Variants in ADGB observed in about 807,000 individuals in gnomAD.
The protein encoded by ADGB is androglobin, also known as calpain-7-like protein.
In ADGB, 172 loss-of-function variants were observed where a neutral mutation model predicts 210.5. The ratio of observed to expected loss-of-function variants is 0.82; its 90% CI spans 0.72 to 0.93. The LOEUF (loss-of-function observed/expected upper bound fraction) is 0.93. Among genes scored for constraint, ADGB ranks in the 40% least tolerant of loss-of-function variants. The probability of loss-of-function intolerance (pLI) is 0.00; values close to 1 mark genes in which losing one functional copy is unlikely to be tolerated. For synonymous variants in ADGB, 658 were observed against 662.7 expected, an observed-to-expected ratio of 0.99 and a Z score of 0.11; for missense variants, 2,025 against 1,964.8, an observed-to-expected ratio of 1.03 and a Z score of -0.58.
At chr6:146,769,246 A>G in intron 29 of ADGB, 115 bp downstream of exon 29, 1 of 543,176 alleles carries the variant, frequency 1.8e-6, no homozygotes, top group Non-Finnish European at 3.3e-6. Flanking sequence ...GTTTTATTAC[A>G]CATTATAATT....
intron 1 of ADGB, among the ~76,000 whole-genome samples, chr6:146,624,326 TG>T (rs1223468823): frequency 1.3e-5 from 2 of 151,892 alleles, no homozygotes; most frequent in Non-Finnish European, 2.9e-5. Flanking sequence ...GCATATTTCA[TG>T]GAATTGATAA....
At chr6:146,697,397 C>G (rs1776420565) in intron 12 of ADGB, among the ~76,000 whole-genome samples, 1 of 152,138 alleles carries the variant, frequency 6.6e-6, no homozygotes, top group Non-Finnish European at 1.5e-5. Flanking sequence ...GTGCAGTTAA[C>G]TGTACTTCAA....
intron 5 of ADGB, among the ~76,000 whole-genome samples, chr6:146,657,701 G>A (rs994379860): frequency 1.3e-5 from 2 of 152,172 alleles, no homozygotes; most frequent in African/African-American, 4.8e-5. Flanking sequence ...TGGGCAGGAG[G>A]CAGTGCTAGC....
intron 10 of ADGB, among the ~76,000 whole-genome samples, chr6:146,689,347 A>G (rs1776271647): frequency 1.3e-5 from 2 of 152,186 alleles, no homozygotes; most frequent in African/African-American, 4.8e-5. Flanking sequence ...GCATTACTTT[A>G]CATGAATCAG....
chr6:146,748,956 T>C (rs1385466420), intron 26 of ADGB, among the ~76,000 whole-genome samples: 1 of 152,158 alleles, frequency 6.6e-6, no homozygotes, highest in East Asian at 1.9e-4. Context: ...TTTAACTTGA[T>C]TCTCTGCAAA....
At position 146,815,415 on chromosome 6, in the gene ADGB, A is replaced by G. The variant is rs1440568343; in HGVS notation, c.*198A>G. The G allele has an allele frequency of 2.8e-6, 1 of 352,384 alleles. No individual in the cohort carries two copies. The highest frequency in any genetic ancestry group is 4.8e-5 in the Admixed American group (1 of 20,896). The allele number at this position is 352,384 out of a possible 1,614,324, so 21.8% of individuals were successfully genotyped here. A position where few individuals can be genotyped will look rare whatever the true frequency, so the allele number is the denominator to read the frequency against. On this transcript the variant is annotated 3_prime_UTR_variant, in exon 36 of 36. Coordinates refer to ENST00000397944, the MANE Select transcript of ADGB (RefSeq NM_024694.4). ...TTTGAGTTTAAGATGCTCTAATTTC[A>G]ATAAAATAGCTTCCAAATATTTAAT...
At chr6:146,810,585 G>GGT (rs1261995370) in intron 35 of ADGB, among the ~76,000 whole-genome samples, 3 of 78,874 alleles carry the variant, frequency 3.8e-5, no homozygotes, top group East Asian at 5.3e-4. Context: ...AAGAAAATGT[G>GGT]GTATATATAT....
chr6:146,608,697 G>C (rs1211211417), intron 1 of ADGB, among the ~76,000 whole-genome samples: 1 of 151,940 alleles, frequency 6.6e-6, no homozygotes, highest in African/African-American at 2.4e-5. Context: ...AGAGATCTTG[G>C]TTTTGAATAC....
chr6:146,671,033 C>G (rs1776000180), intron 7 of ADGB, among the ~76,000 whole-genome samples: 1 of 152,082 alleles, frequency 6.6e-6, no homozygotes, highest in Admixed American at 6.6e-5. Context: ...GGGTGCATCC[C>G]AGAAAAACAT....
intron 35 of ADGB, among the ~76,000 whole-genome samples, chr6:146,811,441 TTA>T (rs3065940): frequency 2.7e-5 from 4 of 150,088 alleles, no homozygotes; most frequent in Middle Eastern, 3.5e-3. Flanking sequence ...CTTTGTGTGT[TTA>T]TATATATATA....
intron 7 of ADGB, among the ~76,000 whole-genome samples, chr6:146,671,119 A>G (rs1430540099): frequency 6.6e-6 from 1 of 152,204 alleles, no homozygotes; most frequent in East Asian, 1.9e-4. Context: ...TAGGATCTAG[A>G]TAGATAGGCC....
chr6:146,801,131 T>A, intron 33 of ADGB, 52 bp from the exon 34 acceptor site: 1 of 982,380 alleles, frequency 1.0e-6, no homozygotes, highest in Non-Finnish European at 1.4e-6. Flanking sequence ...TGGTTAGTCA[T>A]TATTATTTTT....
At chr6:146,788,253 A>G (rs1777906146) in intron 32 of ADGB, 136 bp from the exon 33 acceptor site, 1 of 779,168 alleles carries the variant, frequency 1.3e-6, no homozygotes, top group Non-Finnish European at 2.1e-6. Context: ...TACTTTTGCT[A>G]GTGCTCTGGT....
intron 1 of ADGB, among the ~76,000 whole-genome samples, chr6:146,609,735 T>C (rs941755469): frequency 6.6e-6 from 1 of 152,208 alleles, no homozygotes; most frequent in Non-Finnish European, 1.5e-5. Context: ...AAATTCTTCG[T>C]TGGAATTCCT....
chr6:146,687,266 TA>T (rs1475246206), intron 10 of ADGB, among the ~76,000 whole-genome samples: 1 of 152,120 alleles, frequency 6.6e-6, no homozygotes, highest in Non-Finnish European at 1.5e-5. Context: ...AGCCTCTTGC[TA>T]AGATTAGGGC....
chr6:146,701,994 T>G (rs1014500472), intron 13 of ADGB, among the ~76,000 whole-genome samples: 2 of 151,972 alleles, frequency 1.3e-5, no homozygotes, highest in Non-Finnish European at 2.9e-5. Flanking sequence ...TAGGGTCAGT[T>G]ATTGCTCTCA....
intron 7 of ADGB, among the ~76,000 whole-genome samples, 175 bp downstream of exon 7, chr6:146,667,077 A>G (rs2114897172): frequency 6.6e-6 from 1 of 152,046 alleles, no homozygotes; most frequent in Non-Finnish European, 1.5e-5. Flanking sequence ...GGTAAATTCT[A>G]TTTCCTTATG....
At chr6:146,679,793 T>C (rs1405654183) in intron 9 of ADGB, among the ~76,000 whole-genome samples, 1 of 152,144 alleles carries the variant, frequency 6.6e-6, no homozygotes, top group East Asian at 1.9e-4. Context: ...AAAGAAACCT[T>C]GATGCAAATA....
At chr6:146,770,118 A>G (rs769691857) in intron 29 of ADGB, among the ~76,000 whole-genome samples, 3 of 152,282 alleles carry the variant, frequency 2.0e-5, no homozygotes, top group Non-Finnish European at 4.4e-5. Context: ...TAAGCACCCC[A>G]CAATATTAGC....
Sources: gnomAD v4.1 joint callset for allele counts (sites outside exome capture counted in the v4.1 genomes callset) on GRCh38, gnomAD v4.1.1 for gene constraint, MANE v1.5 for transcripts, NCBI Gene and HGNC (gene_info 2026-07-23, HGNC 2026-07-21) for gene names.